Variants in TMEM94 observed in about 807,000 individuals in gnomAD.
TMEM94 encodes the protein transmembrane protein 94, also known as ER Mg2+ ATPase.
In TMEM94, 81 loss-of-function variants were observed where a neutral mutation model predicts 158.6. The observed-to-expected ratio is 0.51, with a 90% confidence interval of 0.43 to 0.61. TMEM94 has a LOEUF of 0.61. TMEM94 is among the 20% of genes least tolerant of loss of function. The probability of loss-of-function intolerance (pLI) is 0.00; values close to 1 mark genes in which losing one functional copy is unlikely to be tolerated. For missense variants in TMEM94, 1,435 were observed against 1,762.0 expected (o/e 0.81, Z 3.32); for synonymous variants, 751 against 730.7 (o/e 1.03, Z -0.45).
chr17:75,490,828 A>G, intron 11 of TMEM94, 70 bp downstream of exon 11: 1 of 1,429,406 alleles, frequency 7.0e-7, no homozygotes, highest in Non-Finnish European at 9.9e-7. Context: ...TCCCCTATTT[A>G]TGGCCTTAAA....
Position 75,491,715 on chromosome 17 carries a change from G to C in TMEM94, c.1411G>C (p.Ala471Pro). ...GCCCCATGAACGAGACGCCCTCCTG[G>C]CTGGCTCCCTGAACAACACCCTGCA... ...PEPHERDALL[A>P]GSLNNTLHLS... The change falls in exon 14 of 32, where the codon GCT becomes CCT. Residue 471 changes from alanine to proline, a missense_variant. Ala to Pro is a conservative substitution (Grantham distance 27, BLOSUM62 -1). Transcript: ENST00000314256. This position sits in a 1 kb window ranked among gnomAD's most constrained non-coding sequence, Gnocchi z 5.1. 1 of 1,614,078 alleles carries C rather than the reference G, an allele frequency of 6.2e-7. No homozygotes were observed. The highest frequency in any genetic ancestry group is 8.5e-7 in the Non-Finnish European group (1 of 1,180,024).
chr17:75,478,085 G>A (rs1372022123), intron 2 of TMEM94, among the ~76,000 whole-genome samples: 18 of 117,734 alleles, frequency 1.5e-4, no homozygotes, highest in Admixed American at 6.5e-4. Context: ...GCGGGATCTC[G>A]GCTCACTGCA....
Position 75,490,289 on chromosome 17 carries a change from C to T in TMEM94, c.1010C>T (p.Ala337Val). The change falls in exon 10 of 32, where the codon GCA becomes GTA. Residue 337 changes from alanine to valine, a missense_variant. By Grantham distance (64) the Ala-to-Val change is moderately conservative. This residue lies in a region of TMEM94 where 1,051 missense variants were observed against 1,254.4 expected (regional missense o/e 0.84). Transcript: ENST00000314256. ...CTCTTTCCAGTCCTCTGGGTTCTGGCAACTGCCTGTGGAGAGGCCCGTGTC... is the reference window on the plus strand; with the variant it reads ...CTCTTTCCAGTCCTCTGGGTTCTGGTAACTGCCTGTGGAGAGGCCCGTGTC... ...PLLFPVLWVL[A>V]TACGEARVLA... The T allele has an allele frequency of 6.2e-7, 1 of 1,614,156 alleles. No individual in the cohort carries two copies. Among genetic ancestry groups the T allele is most frequent in the Non-Finnish European group, 8.5e-7 (1 of 1,180,038 alleles).
chr17:75,476,475 T>G, intron 2 of TMEM94: 1 of 1,371,318 alleles, frequency 7.3e-7, no homozygotes, highest in Middle Eastern at 2.8e-4. Context: ...TCCCTGAATC[T>G]GCAGCGTGAC....
At chr17:75,483,118 A>G (rs1480245144) in intron 2 of TMEM94, among the ~76,000 whole-genome samples, 1 of 152,138 alleles carries the variant, frequency 6.6e-6, no homozygotes, top group Non-Finnish European at 1.5e-5. Flanking sequence ...TCGCTGGGAA[A>G]CACATCAAGT....
In TMEM94 at chr17:75,491,821, A is replaced by G; in HGVS notation, c.1517A>G (p.His506Arg). The G allele has an allele frequency of 1.9e-6, 3 of 1,614,034 alleles. No homozygotes were observed. The highest frequency in any genetic ancestry group is 1.1e-5 in the South Asian group (1 of 91,074). ...PPEPYSHHKAHGRSKHPSGSN... is the reference protein window; with the variant it reads ...PPEPYSHHKARGRSKHPSGSN... ...GAGCCCTATTCACACCACAAAGCGC[A>G]TGGCCGCAGCAAACACCCATCTGGC... The change falls in exon 14 of 32, where the codon CAT (histidine) becomes CGT (arginine). Residue 506 changes from histidine (H) to arginine (R), a missense_variant. His to Arg is a conservative substitution (Grantham distance 29). Transcript: ENST00000314256. This position sits in a 1 kb window ranked among gnomAD's most constrained non-coding sequence, Gnocchi z 5.1.
intron 9 of TMEM94, 129 bp from the exon 10 acceptor site, chr17:75,490,105 C>T: frequency 1.5e-6 from 2 of 1,344,662 alleles, no homozygotes; most frequent in Non-Finnish European, 2.0e-6. Context: ...ACACCTCTTT[C>T]CCTTCCTGCC....
chr17:75,485,506 G>A lies in TMEM94; in HGVS notation c.103G>A (p.Glu35Lys). 6.2e-7 allele frequency: 1 copy of A among 1,614,214 alleles called. No individual in the cohort carries two copies. Among genetic ancestry groups the A allele is most frequent in the African/African-American group, 1.3e-5 (1 of 75,072 alleles). The change falls in exon 3 of 32, where the codon GAA (glutamate) becomes AAA (lysine). Residue 35 changes from glutamate to lysine, a missense_variant. By Grantham distance (56) the Glu-to-Lys change is moderately conservative. This residue lies in a region of TMEM94 where 1,051 missense variants were observed against 1,254.4 expected (regional missense o/e 0.84). Coordinates refer to ENST00000314256, the MANE Select transcript of TMEM94 (RefSeq NM_014738.6). The surrounding 1 kb of genome is among the most constrained non-coding windows in gnomAD (Gnocchi z 5.5). ...GAAGGAGCAGCTGGAGGCAGTGCTGGAAGGACATCTCAGGGAGCGGAAGAA... is the reference window on the plus strand; with the variant it reads ...GAAGGAGCAGCTGGAGGCAGTGCTGAAAGGACATCTCAGGGAGCGGAAGAA... ...VLKEQLEAVL[E>K]GHLRERKKCL...
At chr17:75,478,567 A>G (rs1427386794) in intron 2 of TMEM94, among the ~76,000 whole-genome samples, 3 of 152,004 alleles carry the variant, frequency 2.0e-5, no homozygotes, top group South Asian at 2.1e-4. Flanking sequence ...GATTTGATGG[A>G]TAGAGTTCTT....
chr17:75,471,663 G>A (rs1041306142), intron 1 of TMEM94, 137 bp from the exon 2 acceptor site: 12 of 417,718 alleles, frequency 2.9e-5, no homozygotes, highest in East Asian at 2.4e-4. Context: ...GCAGTGAGCC[G>A]AGATCGCGCC....
rs1383189944 is a variant in TMEM94 at position 75,495,285 on chromosome 17, G to A, written c.2730G>A (p.Val910=). The change falls in exon 21 of 32, where the codon GTG becomes GTA. Residue 910 remains valine, a splice_region_variant and synonymous_variant. Transcript: ENST00000314256. The surrounding 1 kb of genome is among the most constrained non-coding windows in gnomAD (Gnocchi z 5.6). ...AGSLHDDLNQ[V]SRDDAEGLLL... is the part of the protein sequence containing the mutation. ...AGGGAGAGGCTTTTGTCCCCACAGTGTCCCGAGATGATGCAGAAGGGCTCC... is the reference window on the plus strand; with the variant it reads ...AGGGAGAGGCTTTTGTCCCCACAGTATCCCGAGATGATGCAGAAGGGCTCC... 7 of 1,604,858 alleles carry A rather than the reference G, an allele frequency of 4.4e-6. No individual in the cohort carries two copies. The highest frequency in any genetic ancestry group is 6.0e-6 in the Non-Finnish European group (7 of 1,173,694).
Position 75,490,276 on chromosome 17 carries a change from C to T in TMEM94, c.997C>T (p.Leu333Phe). Residue 333 changes from leucine to phenylalanine, a missense_variant, in exon 10 of 32, where the codon CTC becomes TTC. Physicochemically the swap from Leu to Phe is conservative, Grantham distance 22 (BLOSUM62 0). Around this residue, in one of 3 missense-constraint regions of TMEM94, gnomAD observed 1,051 missense variants for 1,254.4 expected, o/e 0.84. Transcript: ENST00000314256. ...CATCCTCCCCCTGCTCTTTCCAGTC[C>T]TCTGGGTTCTGGCAACTGCCTGTGG... Reference protein sequence around the residue: ...LPILPLLFPVLWVLATACGEA... With the variant: ...LPILPLLFPVFWVLATACGEA... 2.5e-6 allele frequency: 4 copies of T among 1,614,132 alleles called. No homozygotes were observed. The highest frequency in any genetic ancestry group is 3.4e-6 in the Non-Finnish European group (4 of 1,180,024).
intron 9 of TMEM94, 196 bp from the exon 10 acceptor site, chr17:75,490,038 C>T (rs1293276741): frequency 1.3e-5 from 9 of 702,482 alleles, no homozygotes; most frequent in Non-Finnish European, 1.8e-5. Flanking sequence ...GAGATCACGC[C>T]ACTGCCCTCC....
In TMEM94 at chr17:75,491,745, T is replaced by C. The variant is rs1189134632; in HGVS notation, c.1441T>C (p.Ser481Pro). 1 of 1,613,988 alleles carries C rather than the reference T, an allele frequency of 6.2e-7. No homozygotes were observed. The highest frequency in any genetic ancestry group is 1.1e-5 in the South Asian group (1 of 91,086). The change falls in exon 14 of 32, where the codon TCC becomes CCC. Residue 481 changes from serine (S) to proline (P), a missense_variant. Physicochemically the swap from Ser to Pro is moderately conservative, Grantham distance 74. Around this residue, in one of 3 missense-constraint regions of TMEM94, gnomAD observed 1,051 missense variants for 1,254.4 expected, o/e 0.84. Coordinates refer to ENST00000314256, the MANE Select transcript of TMEM94 (RefSeq NM_014738.6). The surrounding 1 kb of genome is among the most constrained non-coding windows in gnomAD (Gnocchi z 5.1). Reference sequence around the variant, plus strand: ...CTCCCTGAACAACACCCTGCACCTTTCCAATGAGCAGGAGCGTGGCGACTG... The same window carrying C: ...CTCCCTGAACAACACCCTGCACCTTCCCAATGAGCAGGAGCGTGGCGACTG... The part of the protein sequence containing the change: ...AGSLNNTLHL[S>P]NEQERGDWPG...
intron 1 of TMEM94, among the ~76,000 whole-genome samples, chr17:75,460,989 C>T (rs1436976806): frequency 6.6e-6 from 1 of 151,834 alleles, no homozygotes; most frequent in African/African-American, 2.4e-5. Context: ...CCCCCCTGCT[C>T]CCACCCCCGG....
intron 2 of TMEM94, among the ~76,000 whole-genome samples, chr17:75,480,384 G>A: frequency 6.6e-6 from 1 of 152,220 alleles, no homozygotes; most frequent in East Asian, 1.9e-4. Flanking sequence ...TAACAAGCGG[G>A]GGCAGATGCA....
chr17:75,479,603 C>A (rs2050996631), intron 2 of TMEM94, among the ~76,000 whole-genome samples: 1 of 151,770 alleles, frequency 6.6e-6, no homozygotes, highest in Non-Finnish European at 1.5e-5. Context: ...CAGGCATGAG[C>A]CACTGAGCCC....
chr17:75,489,622 C>T lies in TMEM94; in HGVS notation c.914C>T (p.Pro305Leu), dbSNP rs372835255. 25 of 1,613,872 alleles carry T rather than the reference C, an allele frequency of 1.5e-5. No homozygotes were observed. The highest frequency in any genetic ancestry group is 2.2e-5 in the East Asian group (1 of 44,902). Residue 305 changes from proline to leucine, a missense_variant, in exon 9 of 32, where the codon CCG becomes CTG. Pro to Leu is a moderately conservative substitution (Grantham distance 98). Transcript: ENST00000314256. This position sits in a 1 kb window ranked among gnomAD's most constrained non-coding sequence, Gnocchi z 5.0. ...TNALRFIFSA[P>L]GVTSWQYTLL... Reference sequence around the variant, plus strand: ...GCCCTGCGCTTCATCTTCAGTGCCCCGGGGGTCACTTCCTGGCAGTACACC... The same window carrying T: ...GCCCTGCGCTTCATCTTCAGTGCCCTGGGGGTCACTTCCTGGCAGTACACC...
At position 75,495,469 on chromosome 17, in the gene TMEM94, AGGT is replaced by A; in HGVS notation, c.2845-69_2845-67del. The stretch of plus-strand genomic sequence containing the variant: ...TAGCTGGTCCAGGGGAGAGGTAGAG[AGGT>A]GGTGGGCAGGCGGTGGAGGGGAGGG... On this transcript the variant is annotated intron_variant, in intron 21 of 31. Transcript: ENST00000314256. The surrounding 1 kb of genome is among the most constrained non-coding windows in gnomAD (Gnocchi z 5.6). 2 of 1,588,948 alleles carry A rather than the reference AGGT, an allele frequency of 1.3e-6. No individual in the cohort carries two copies. Among genetic ancestry groups the A allele is most frequent in the Non-Finnish European group, 1.7e-6 (2 of 1,158,454 alleles).
Sources: allele counts gnomAD v4.1 joint callset (sites outside exome capture counted in the v4.1 genomes callset), GRCh38; gene constraint gnomAD v4.1.1; regional missense constraint gnomAD v4.1.1; non-coding constraint Gnocchi (gnomAD v3.1); transcripts MANE v1.5; gene names NCBI Gene and HGNC (gene_info 2026-07-23, HGNC 2026-07-21).